The following GAS7 variants were observed in gnomAD, a reference collection of about 807,000 sequenced individuals.
The protein encoded by GAS7 is growth arrest specific 7.
GAS7 carries 28 observed loss-of-function variants against 71.1 expected under a neutral mutation model. That is an observed-to-expected ratio of 0.39 (90% CI 0.29 to 0.54). GAS7 has a LOEUF of 0.54. Ranked by LOEUF, GAS7 falls within the 20% of genes least tolerant of loss-of-function variation. The pLI, the probability that GAS7 is intolerant of heterozygous loss-of-function variation, is 0.62. For missense variants in GAS7, 436 were observed against 627.8 expected, an observed-to-expected ratio of 0.69 and a Z score of 3.27; for synonymous variants, 258 against 245.8, an observed-to-expected ratio of 1.05 and a Z score of -0.46.
At chr17:10,115,187 G>A (rs2073849207) in intron 1 of GAS7, among the ~76,000 whole-genome samples, 1 of 152,222 alleles carries the variant, frequency 6.6e-6, no homozygotes, top group African/African-American at 2.4e-5. Flanking sequence ...GGGGCTTATG[G>A]GATGGAGGAA....
At chr17:10,192,651 T>C (rs916151270) in intron 1 of GAS7, among the ~76,000 whole-genome samples, 6 of 152,150 alleles carry the variant, frequency 3.9e-5, no homozygotes, top group African/African-American at 1.4e-4. Context: ...TTTGTGAAAA[T>C]GCCCTGAATC....
chr17:10,134,538 C>T (rs1392310709), intron 1 of GAS7, among the ~76,000 whole-genome samples: 4 of 152,096 alleles, frequency 2.6e-5, no homozygotes, highest in African/African-American at 9.7e-5. Context: ...ATTTATATTC[C>T]CCACCAACAC....
In GAS7 at chr17:9,946,865, G is replaced by A. The variant is rs199839496; in HGVS notation, c.615+29C>T. ...GTCCACTCCCGGTCACCGGGGTCAC[G>A]CTGTGGGGGAAACTGAGGCGCTGCT... On this transcript the variant is annotated intron_variant, in intron 6 of 13. Coordinates refer to ENST00000432992, the MANE Select transcript of GAS7 (RefSeq NM_201433.2). The A allele has an allele frequency of 5.6e-5, 84 of 1,494,782 alleles. No homozygotes were observed. In the East Asian group the frequency reaches 5.9e-4, roughly 10 times the overall value. 92.6% of individuals were successfully genotyped at this position (1,494,782 alleles called of 1,614,324 possible). A position where few individuals can be genotyped will look rare whatever the true frequency, so the allele number is the denominator to read the frequency against.
intron 1 of GAS7, among the ~76,000 whole-genome samples, chr17:10,164,638 T>G (rs1389448949): frequency 6.6e-6 from 1 of 150,864 alleles, no homozygotes; most frequent in Non-Finnish European, 1.5e-5. Context: ...GAATAGCCGC[T>G]GCACTCCAAT....
intron 1 of GAS7, among the ~76,000 whole-genome samples, chr17:10,083,440 G>A (rs1479504998): frequency 6.6e-6 from 1 of 152,188 alleles, no homozygotes; most frequent in Non-Finnish European, 1.5e-5. Context: ...GATTTTTCTC[G>A]GTCCCTTTGC....
At chr17:9,917,458 T>G in intron 13 of GAS7, 117 bp from the exon 14 acceptor site, 2 of 743,656 alleles carry the variant, frequency 2.7e-6, no homozygotes, top group Admixed American at 4.4e-5. Context: ...TCTAGAGGGC[T>G]CCGGGGCCCC....
At chr17:10,148,227 G>A (rs1443709970) in intron 1 of GAS7, among the ~76,000 whole-genome samples, 7 of 152,094 alleles carry the variant, frequency 4.6e-5, no homozygotes, top group Non-Finnish European at 8.8e-5. Context: ...ATTTTTGTGG[G>A]GTGAAAAGCT....
intron 1 of GAS7, among the ~76,000 whole-genome samples, chr17:10,167,648 C>T (rs898766784): frequency 3.2e-4 from 48 of 151,994 alleles, no homozygotes; most frequent in African/African-American, 1.0e-3. Flanking sequence ...GCAAACATTG[C>T]GAAGGTCTTT....
rs556343638 is a variant in GAS7 at position 10,065,474 on chromosome 17, C to T, written c.184-45577G>A. Among the ~76,000 whole-genome samples, 6 of 152,326 alleles carry T rather than the reference C, an allele frequency of 3.9e-5. No homozygotes were observed. The East Asian group carries it at 1.2e-3, about 29-fold the overall frequency. On this transcript the variant is annotated intron_variant, in intron 1 of 13. Transcript: ENST00000432992. The stretch of plus-strand genomic sequence containing the variant: ...AGAACTCAGTCCTTGACTCTTTCAG[C>T]TCCTGGTAGCCGCTGGCATTCCTTG...
At chr17:9,931,268 G>T (rs1307157852) in intron 9 of GAS7, among the ~76,000 whole-genome samples, 1 of 152,122 alleles carries the variant, frequency 6.6e-6, no homozygotes, top group Non-Finnish European at 1.5e-5. Context: ...CGTGGTGGTT[G>T]ACGGCAATGA....
chr17:10,161,740 C>T (rs2074257361), intron 1 of GAS7, among the ~76,000 whole-genome samples: 1 of 152,150 alleles, frequency 6.6e-6, no homozygotes, highest in Admixed American at 6.5e-5. Context: ...AAGCCAAATG[C>T]AAATGTCCAG....
chr17:10,167,911 C>T (rs1241713308), intron 1 of GAS7, among the ~76,000 whole-genome samples: 1 of 152,042 alleles, frequency 6.6e-6, no homozygotes, highest in Non-Finnish European at 1.5e-5. Flanking sequence ...GTTGCGCAGG[C>T]TGGTCTTGAA....
chr17:10,184,731 G>A (rs187006061), intron 1 of GAS7, among the ~76,000 whole-genome samples: 1 of 152,104 alleles, frequency 6.6e-6, no homozygotes, highest in Non-Finnish European at 1.5e-5. Flanking sequence ...TATTCATAAT[G>A]AGCCCATTTG....
chr17:10,081,298 G>T (rs1443878540), intron 1 of GAS7, among the ~76,000 whole-genome samples: 1 of 152,054 alleles, frequency 6.6e-6, no homozygotes, highest in African/African-American at 2.4e-5. Flanking sequence ...GGGATTACAG[G>T]CATGTGCCAC....
intron 2 of GAS7, among the ~76,000 whole-genome samples, chr17:10,007,546 A>AACCCGGGAGGCAGAGGTTGCAGT (rs2071586193): frequency 6.7e-6 from 1 of 149,532 alleles, no homozygotes; most frequent in African/African-American, 2.5e-5. Context: ...AATCCCTTAG[A>AACCCGGGAGGCAGAGGTTGCAGT]ACCCGGGAGG....
chr17:10,155,637 C>T (rs573608697), intron 1 of GAS7, among the ~76,000 whole-genome samples: 14 of 152,266 alleles, frequency 9.2e-5, no homozygotes, highest in South Asian at 4.1e-4. Context: ...TCTTCCCTGG[C>T]GGTACCATTC....
At chr17:10,019,659 A>G (rs572270724) in intron 2 of GAS7, 118 bp downstream of exon 2, 6 of 986,066 alleles carry the variant, frequency 6.1e-6, no homozygotes, top group African/African-American at 4.9e-5. Context: ...CCCTGAGCAT[A>G]GACTTAAGAA....
intron 1 of GAS7, among the ~76,000 whole-genome samples, chr17:10,120,487 G>C (rs1395853965): frequency 6.6e-6 from 1 of 152,146 alleles, no homozygotes; most frequent in East Asian, 1.9e-4. Flanking sequence ...AAGGCGGGTG[G>C]ATCACCTGAG....
intron 1 of GAS7, among the ~76,000 whole-genome samples, chr17:10,137,671 CTGGGATTA>C (rs2074049397): frequency 6.6e-6 from 1 of 151,904 alleles, no homozygotes; most frequent in African/African-American, 2.4e-5. Flanking sequence ...TCCTAAGTAG[CTGGGATTA>C]CAGGTGCATG....
Sources: allele counts gnomAD v4.1 joint callset (sites outside exome capture counted in the v4.1 genomes callset), GRCh38; gene constraint gnomAD v4.1.1; transcripts MANE v1.5; gene names NCBI Gene and HGNC (gene_info 2026-07-23, HGNC 2026-07-21).